ADAMTSL2: variants seen among roughly 807,000 people sequenced by gnomAD.
ADAMTSL2 encodes ADAMTS like 2, also known as ADAMTS-like protein 2.
A neutral mutation model predicts 117.0 loss-of-function variants in ADAMTSL2; 55 were observed. The ratio of observed to expected loss-of-function variants is 0.47; its 90% CI spans 0.38 to 0.59. ADAMTSL2 has a LOEUF of 0.59. ADAMTSL2 is among the 20% of genes least tolerant of loss of function. ADAMTSL2 has a pLI of 0.00. For missense variants in ADAMTSL2, 1,182 were observed against 1,354.5 expected (o/e 0.87, Z 2.00); for synonymous variants, 572 against 566.4 (o/e 1.01, Z -0.14).
At chr9:133,535,965 C>T (rs1830040757) in intron 1 of ADAMTSL2, among the ~76,000 whole-genome samples, 1 of 152,184 alleles carries the variant, frequency 6.6e-6, no homozygotes, top group African/African-American at 2.4e-5. Flanking sequence ...GGAAGTCAGC[C>T]TTGTGGCCCT....
At position 133,554,518 on chromosome 9, in the gene ADAMTSL2, C is replaced by A. The variant is rs931980391; in HGVS notation, c.1101C>A (p.Asn367Lys). Residue 367 changes from asparagine (N) to lysine (K), a missense_variant, in exon 10 of 19, where the codon AAC (asparagine) becomes AAA (lysine). Transcript: ENST00000651351. This position sits in a 1 kb window ranked among gnomAD's most constrained non-coding sequence, Gnocchi z 5.2. ...GAGLMGFVPHNGSLYGQASSE... is the reference protein window; with the variant it reads ...GAGLMGFVPHKGSLYGQASSE... ...GGCTGATGGGCTTCGTCCCGCACAA[C>A]GGCTCCCTCTACGGCCAGGCCTCCT... The A allele has an allele frequency of 6.5e-7, 1 of 1,549,930 alleles. No individual in the cohort carries two copies. Among genetic ancestry groups the A allele is most frequent in the Non-Finnish European group, 8.7e-7 (1 of 1,147,282 alleles).
intron 9 of ADAMTSL2, among the ~76,000 whole-genome samples, chr9:133,550,339 G>C (rs9776165): frequency 0.53 from 80,628 of 152,122 alleles, 21,642 homozygotes; most frequent in African/African-American, 0.57. Context: ...GTGGCTCCCC[G>C]CTCCATTGCT....
At chr9:133,551,290 A>G (rs1830475640) in intron 9 of ADAMTSL2, among the ~76,000 whole-genome samples, 1 of 138,760 alleles carries the variant, frequency 7.2e-6, no homozygotes, top group African/African-American at 2.5e-5. Flanking sequence ...TCCCTTCATC[A>G]TAAGGGCCCC....
Position 133,537,538 on chromosome 9 carries a change from T to G in ADAMTSL2, c.224T>G (p.Leu75Arg). The G allele has an allele frequency of 7.4e-7, 1 of 1,351,362 alleles. No individual in the cohort carries two copies. The highest frequency in any genetic ancestry group is 9.6e-7 in the Non-Finnish European group (1 of 1,042,608). 83.7% of individuals were successfully genotyped at this position (1,351,362 alleles called of 1,614,324 possible). A position where few individuals can be genotyped will look rare whatever the true frequency, so the allele number is the denominator to read the frequency against. ...GGVTSQERHCLQQRRKSVPGP... is the reference protein window; with the variant it reads ...GGVTSQERHCRQQRRKSVPGP... ...GTGACATCCCAGGAGCGGCACTGCC[T>G]GCAGCAGAGGTGCGAGGTTGGGCAC... The change falls in exon 3 of 19, where the codon CTG becomes CGG. Residue 75 changes from leucine to arginine, a missense_variant. Leu to Arg is a moderately radical substitution (Grantham distance 102, BLOSUM62 -2). This residue lies in a region of ADAMTSL2 where 372 missense variants were observed against 463.4 expected (regional missense o/e 0.80). Coordinates refer to ENST00000651351, the MANE Select transcript of ADAMTSL2 (RefSeq NM_014694.4).
At chr9:133,540,807 G>A in intron 6 of ADAMTSL2, 64 bp downstream of exon 6, 1 of 1,613,424 alleles carries the variant, frequency 6.2e-7, no homozygotes. Context: ...CCCGCCTGTG[G>A]GAGGCAGTGG....
chr9:133,533,936 G>C (rs1829990279), upstream of ADAMTSL2, among the ~76,000 whole-genome samples: 1 of 152,216 alleles, frequency 6.6e-6, no homozygotes, highest in Admixed American at 6.5e-5. Flanking sequence ...GCCTCACAAA[G>C]TCTGGGGCCC....
intron 9 of ADAMTSL2, among the ~76,000 whole-genome samples, chr9:133,552,443 A>G (rs1189300107): frequency 6.6e-6 from 1 of 152,216 alleles, no homozygotes; most frequent in Non-Finnish European, 1.5e-5. Context: ...ACAAAGGTCA[A>G]GTGCTTGGAG....
In ADAMTSL2 at chr9:133,557,717, A is replaced by G. The variant is rs1830634511; in HGVS notation, c.1649+1787A>G. 6.6e-6 allele frequency among the ~76,000 whole-genome samples: 1 copy of G among 152,192 alleles called. No homozygotes were observed. The highest frequency in any genetic ancestry group is 2.4e-5 in the African/African-American group (1 of 41,446). ...GTGTGAGGCCCACGGTAAGGCCTCC[A>G]GTAAGTAGAAGCTATTAGTAGAAAA... On this transcript the variant is annotated intron_variant, in intron 11 of 18. Coordinates refer to ENST00000651351, the MANE Select transcript of ADAMTSL2 (RefSeq NM_014694.4). This position sits in a 1 kb window ranked among gnomAD's most constrained non-coding sequence, Gnocchi z 5.2.
Position 133,566,650 on chromosome 9 carries a change from A to C in ADAMTSL2, c.1748-286A>C, listed in dbSNP as rs1441090257. On this transcript the variant is annotated intron_variant, in intron 12 of 18. Transcript: ENST00000651351. ...TGACTGTGTTTGCCTCTGCACCTCCACGGGGGCCAGCTGGAGCAGACTCAA... is the reference window on the plus strand; with the variant it reads ...TGACTGTGTTTGCCTCTGCACCTCCCCGGGGGCCAGCTGGAGCAGACTCAA... Among the ~76,000 whole-genome samples the C allele has an allele frequency of 3.4e-5, 5 of 145,390 alleles. No homozygotes were observed. In the South Asian group the frequency reaches 7.2e-4, roughly 21 times the overall value.
chr9:133,536,060 CG>C (rs1312787331), intron 1 of ADAMTSL2, among the ~76,000 whole-genome samples: 2 of 152,172 alleles, frequency 1.3e-5, no homozygotes, highest in Non-Finnish European at 2.9e-5. Context: ...GATCGGGAGG[CG>C]GCATAGGTAC....
In ADAMTSL2 at chr9:133,568,341, G is replaced by A; in HGVS notation, c.1943G>A (p.Arg648His). 1 of 1,589,636 alleles carries A rather than the reference G, an allele frequency of 6.3e-7. No individual in the cohort carries two copies. Among genetic ancestry groups the A allele is most frequent in the Non-Finnish European group, 8.6e-7 (1 of 1,168,850 alleles). Reference protein sequence around the residue: ...CGEGYQFRVVRCWKMLSPGFD... With the variant: ...CGEGYQFRVVHCWKMLSPGFD... ...GAGGGCTACCAGTTCCGCGTCGTGC[G>A]CTGCTGGAAGATGCTCTCGCCCGGC... The change falls in exon 14 of 19, where the codon CGC (arginine) becomes CAC (histidine). Residue 648 changes from arginine (R) to histidine (H), a missense_variant. Physicochemically the swap from Arg to His is conservative, Grantham distance 29 (BLOSUM62 0). Transcript: ENST00000651351.
chr9:133,536,047 G>A (rs967446037), intron 1 of ADAMTSL2, among the ~76,000 whole-genome samples: 3 of 152,198 alleles, frequency 2.0e-5, no homozygotes, highest in East Asian at 1.9e-4. Flanking sequence ...TCTTCTCTCC[G>A]GGGATCGGGA....
intron 12 of ADAMTSL2, among the ~76,000 whole-genome samples, chr9:133,564,672 G>A (rs1295860730): frequency 7.3e-6 from 1 of 137,290 alleles, no homozygotes; most frequent in Non-Finnish European, 1.6e-5. Context: ...GAGAGAGGGA[G>A]AGGGAGAGAG....
chr9:133,554,508 T>C lies in ADAMTSL2; in HGVS notation c.1091T>C (p.Val364Ala). ...GACGGGGCCGGGCTGATGGGCTTCGTCCCGCACAACGGCTCCCTCTACGGC... is the reference window on the plus strand; with the variant it reads ...GACGGGGCCGGGCTGATGGGCTTCGCCCCGCACAACGGCTCCCTCTACGGC... ...GLDGAGLMGF[V>A]PHNGSLYGQA... The change falls in exon 10 of 19, where the codon GTC (valine) becomes GCC (alanine). Residue 364 changes from valine (V) to alanine (A), a missense_variant. Transcript: ENST00000651351. The surrounding 1 kb of genome is among the most constrained non-coding windows in gnomAD (Gnocchi z 5.2). 6.5e-7 allele frequency: 1 copy of C among 1,549,918 alleles called. No homozygotes were observed. Among genetic ancestry groups the C allele is most frequent in the South Asian group, 1.2e-5 (1 of 84,134 alleles).
chr9:133,533,163 C>CTGTGCCTGTGTG (rs1829976198), upstream of ADAMTSL2, among the ~76,000 whole-genome samples: 2 of 148,060 alleles, frequency 1.4e-5, no homozygotes, highest in East Asian at 4.0e-4. Flanking sequence ...GTGTGTGTGC[C>CTGTGCCTGTGTG]TGTGTGTGTG....
chr9:133,547,133 A>C lies in ADAMTSL2; in HGVS notation c.859A>C (p.Arg287=), dbSNP rs2073876. 1,422,422 of 1,614,040 alleles carry C rather than the reference A, an allele frequency of 0.88. 634,360 individuals are homozygous for C. The highest frequency in any genetic ancestry group is 0.92 in the Non-Finnish European group (1,088,713 of 1,180,010). ...CATCGCAGGCACGGTGGTCAAGTAC[A>C]GGCGGCCCATGGATGTCTATGAGAC... ...FNIAGTVVKY[R]RPMDVYETGI... The change falls in exon 9 of 19, where the codon AGG becomes CGG. Residue 287 remains arginine (R), a synonymous_variant. Coordinates refer to ENST00000651351, the MANE Select transcript of ADAMTSL2 (RefSeq NM_014694.4).
intron 15 of ADAMTSL2, among the ~76,000 whole-genome samples, 164 bp from the exon 16 acceptor site, chr9:133,569,244 A>G (rs1008809335): frequency 3.7e-4 from 57 of 152,182 alleles, no homozygotes; most frequent in African/African-American, 1.4e-3. Flanking sequence ...AGCATGCATT[A>G]TTTCTGTAAT....
At chr9:133,539,401 C>T (rs920114470) in intron 4 of ADAMTSL2, among the ~76,000 whole-genome samples, 3 of 152,236 alleles carry the variant, frequency 2.0e-5, no homozygotes, top group Non-Finnish European at 4.4e-5. Context: ...TGTCCCGTCA[C>T]TGTAGACACA....
At chr9:133,544,184 C>T (rs1830293371) in intron 7 of ADAMTSL2, among the ~76,000 whole-genome samples, 1 of 152,228 alleles carries the variant, frequency 6.6e-6, no homozygotes, top group African/African-American at 2.4e-5. Flanking sequence ...TCCCAGTGTG[C>T]TCCATGTCCC....
Sources: allele counts gnomAD v4.1 joint callset (sites outside exome capture counted in the v4.1 genomes callset), GRCh38; gene constraint gnomAD v4.1.1; regional missense constraint gnomAD v4.1.1; non-coding constraint Gnocchi (gnomAD v3.1); transcripts MANE v1.5; gene names NCBI Gene and HGNC (gene_info 2026-07-23, HGNC 2026-07-21).